The following ZC3H12B variants were observed in gnomAD, a reference collection of about 807,000 sequenced individuals.
ZC3H12B encodes probable ribonuclease ZC3H12B.
A neutral mutation model predicts 43.9 loss-of-function variants in ZC3H12B; 7 were observed. The ratio of observed to expected loss-of-function variants is 0.16; its 90% CI spans 0.09 to 0.30. The LOEUF (loss-of-function observed/expected upper bound fraction) is 0.30. ZC3H12B is among the 10% of genes least tolerant of loss of function. The pLI is 1.00. For synonymous variants in ZC3H12B, 222 were observed against 241.7 expected, an observed-to-expected ratio of 0.92 and a Z score of 0.76; for missense variants, 475 against 670.2, an observed-to-expected ratio of 0.71 and a Z score of 3.22.
chrX:65,505,912 A>G (rs1000102612), exon 5 of ZC3H12B: 1 of 112,960 alleles, frequency 8.9e-6, no homozygotes, highest in East Asian at 2.8e-4. Context: ...GGTATGAACC[A>G]AAAGCGGCTA....
the ZC3H12B span, among the ~76,000 whole-genome samples, chrX:65,342,847 A>T: frequency 9.1e-6 from 1 of 110,307 alleles, no homozygotes; most frequent in Admixed American, 9.7e-5. Flanking sequence ...CAAAAAAAAA[A>T]AAAAAATTCA....
chrX:65,119,256 A>T, the ZC3H12B span, among the ~76,000 whole-genome samples: 2 of 111,718 alleles, frequency 1.8e-5, no homozygotes, highest in East Asian at 2.8e-4. Flanking sequence ...ACTAGTTTAC[A>T]GTCCCACCAA....
At chrX:65,357,096 G>A in the ZC3H12B span, 1 of 524,558 alleles carries the variant, frequency 1.9e-6, no homozygotes, top group Non-Finnish European at 3.5e-6. Context: ...CCCACCACAA[G>A]CTCCAAAGGC....
chrX:65,045,929 T>C, the ZC3H12B span, among the ~76,000 whole-genome samples: 1 of 111,639 alleles, frequency 9.0e-6, no homozygotes, highest in African/African-American at 3.3e-5. Context: ...AGCTCTTGGG[T>C]GACTAGGTGT....
the ZC3H12B span, among the ~76,000 whole-genome samples, chrX:65,237,297 G>T: frequency 9.0e-6 from 1 of 111,206 alleles, no homozygotes; most frequent in Non-Finnish European, 1.9e-5. Flanking sequence ...CCTGTTAGCT[G>T]TATTTCTAGG....
chrX:65,242,704 C>A, the ZC3H12B span, among the ~76,000 whole-genome samples: 318 of 112,061 alleles, frequency 2.8e-3, 3 homozygotes, highest in African/African-American at 9.8e-3. Flanking sequence ...AAGCTGGAAG[C>A]ATCATATTAC....
At chrX:65,472,976 G>GTATATATA (rs1233764716) in intron 3 of ZC3H12B, among the ~76,000 whole-genome samples, 12 of 73,513 alleles carry the variant, frequency 1.6e-4, no homozygotes, top group African/African-American at 2.4e-4. Flanking sequence ...GTATGTGTGT[G>GTATATATA]TATATATATA....
chrX:65,473,000 A>ATATATATATATATATATATATG (rs2067946639), intron 3 of ZC3H12B, among the ~76,000 whole-genome samples: 87 of 78,609 alleles, frequency 1.1e-3, no homozygotes, highest in African/African-American at 6.1e-3. Context: ...ATATATATGT[A>ATATATATATATATATATATATG]TATATATATA....
chrX:65,372,858 C>T (rs1398524412), intron 2 of ZC3H12B, among the ~76,000 whole-genome samples: 1 of 111,519 alleles, frequency 9.0e-6, no homozygotes, highest in Non-Finnish European at 1.9e-5. Flanking sequence ...TTTTACATTG[C>T]TAAATTACAA....
the ZC3H12B span, among the ~76,000 whole-genome samples, chrX:65,071,026 A>AT: frequency 2.3e-4 from 25 of 106,681 alleles, no homozygotes; most frequent in Non-Finnish European, 4.1e-4. Context: ...AACCTCAATG[A>AT]TTTTTTTTCA....
At chrX:65,219,053 C>T in the ZC3H12B span, among the ~76,000 whole-genome samples, 2 of 111,422 alleles carry the variant, frequency 1.8e-5, no homozygotes, top group Admixed American at 9.6e-5. Context: ...CACTGGGTGG[C>T]TAGATCCAGA....
At chrX:65,243,556 T>G in the ZC3H12B span, among the ~76,000 whole-genome samples, 1 of 111,615 alleles carries the variant, frequency 9.0e-6, no homozygotes, top group Non-Finnish European at 1.9e-5. Context: ...TGGAAAAGAG[T>G]ATAGAAGGTC....
upstream of ZC3H12B, chrX:65,366,614 TG>T (rs1054236458): frequency 9.0e-6 from 1 of 111,686 alleles, no homozygotes; most frequent in African/African-American, 3.3e-5. Flanking sequence ...TCACCAATTC[TG>T]CTTGTTTTTA....
At chrX:65,433,240 G>A (rs1471224749) in intron 3 of ZC3H12B, among the ~76,000 whole-genome samples, 2 of 112,171 alleles carry the variant, frequency 1.8e-5, no homozygotes, top group African/African-American at 3.2e-5. Context: ...CTTCTTCACT[G>A]GGCAAATAGG....
chrX:65,052,229 T>A, the ZC3H12B span, among the ~76,000 whole-genome samples: 1 of 111,292 alleles, frequency 9.0e-6, no homozygotes, highest in Non-Finnish European at 1.9e-5. Flanking sequence ...GGATACATGA[T>A]ATGTTTTGAT....
At chrX:65,275,434 C>T in the ZC3H12B span, among the ~76,000 whole-genome samples, 50 of 112,948 alleles carry the variant, frequency 4.4e-4, no homozygotes, top group South Asian at 0.013. Context: ...GCACCATGTC[C>T]CAAGTGCAGT....
chrX:65,305,256 A>C, the ZC3H12B span, among the ~76,000 whole-genome samples: 1 of 111,574 alleles, frequency 9.0e-6, no homozygotes, highest in Non-Finnish European at 1.9e-5. Flanking sequence ...CAAACTTCAT[A>C]CAAATATTAA....
chrX:65,229,732 A>G, the ZC3H12B span, among the ~76,000 whole-genome samples: 19 of 101,733 alleles, frequency 1.9e-4, no homozygotes, highest in Non-Finnish European at 3.4e-4. Flanking sequence ...AAGGACATGA[A>G]CAGACACTTC....
intron 3 of ZC3H12B, among the ~76,000 whole-genome samples, chrX:65,442,270 T>G (rs903921063): frequency 9.1e-6 from 1 of 109,948 alleles, no homozygotes. Context: ...GGATTAGCAT[T>G]GTCGAAAGCT....
Sources: gnomAD v4.1 joint callset for allele counts (sites outside exome capture counted in the v4.1 genomes callset) on GRCh38, gnomAD v4.1.1 for gene constraint, MANE v1.5 for transcripts, NCBI Gene and HGNC (gene_info 2026-07-23, HGNC 2026-07-21) for gene names.